TBC1D19: variants seen among roughly 807,000 people sequenced by gnomAD.
The protein encoded by TBC1D19 is TBC1 domain family member 19, also known as TBC1 domain family, member 19.
Under a neutral mutation model 89.0 loss-of-function variants are expected in TBC1D19, and 60 were observed. The observed-to-expected ratio is 0.67, with a 90% confidence interval of 0.55 to 0.84. The LOEUF (loss-of-function observed/expected upper bound fraction) is 0.84, where lower values mean the gene tolerates loss of function less well. Ranked by LOEUF, TBC1D19 falls within the 40% of genes least tolerant of loss-of-function variation. TBC1D19 has a pLI of 0.00. For synonymous variants in TBC1D19, 189 were observed against 199.7 expected, an observed-to-expected ratio of 0.95 and a Z score of 0.45; for missense variants, 500 against 610.8, an observed-to-expected ratio of 0.82 and a Z score of 1.91.
chr4:26,720,193 G>T, intron 15 of TBC1D19, 68 bp downstream of exon 15: 1 of 1,225,516 alleles, frequency 8.2e-7, no homozygotes, highest in South Asian at 1.4e-5. Flanking sequence ...ATCAAAATGT[G>T]ACTTTCTTAT....
At chr4:26,751,411 C>T (rs1396757200) in intron 19 of TBC1D19, among the ~76,000 whole-genome samples, 1 of 152,212 alleles carries the variant, frequency 6.6e-6, no homozygotes, top group Non-Finnish European at 1.5e-5. Context: ...TACTCTTTAA[C>T]TGCTAAAATG....
chr4:26,663,371 G>A (rs1253151625), intron 8 of TBC1D19, among the ~76,000 whole-genome samples: 1 of 152,142 alleles, frequency 6.6e-6, no homozygotes, highest in East Asian at 1.9e-4. Flanking sequence ...GAATGTGCAT[G>A]AGCTAAAATC....
chr4:26,640,017 A>C (rs1446649665), intron 6 of TBC1D19, 124 bp from the exon 7 acceptor site: 1 of 665,574 alleles, frequency 1.5e-6, no homozygotes, highest in Non-Finnish European at 2.5e-6. Context: ...CAGTGTATGC[A>C]TTCTCAAGAA....
At chr4:26,758,397 C>A (rs1578026321), downstream of TBC1D19, among the ~76,000 whole-genome samples, 1 of 152,126 alleles carries the variant, frequency 6.6e-6, no homozygotes, top group East Asian at 1.9e-4. Context: ...CCTTCTTCCA[C>A]AAATGCTCTG....
intron 3 of TBC1D19, among the ~76,000 whole-genome samples, chr4:26,619,890 T>C (rs530942688): frequency 2.0e-5 from 3 of 152,316 alleles, no homozygotes; most frequent in African/African-American, 7.2e-5. Context: ...GGACCAGGAA[T>C]TTATTGAGAA....
chr4:26,599,105 G>A (rs1577774798), intron 1 of TBC1D19, among the ~76,000 whole-genome samples: 1 of 151,954 alleles, frequency 6.6e-6, no homozygotes, highest in African/African-American at 2.4e-5. Context: ...TTATTAGACA[G>A]ATCTATAATA....
chr4:26,745,825 A>G (rs1193061592), intron 18 of TBC1D19, among the ~76,000 whole-genome samples: 1 of 151,858 alleles, frequency 6.6e-6, no homozygotes, highest in Non-Finnish European at 1.5e-5. Context: ...ATACTTCTTT[A>G]ATTAATCACA....
chr4:26,688,397 A>T lies in TBC1D19; in HGVS notation c.944A>T (p.Tyr315Phe). The T allele has an allele frequency of 6.4e-7, 1 of 1,563,258 alleles. No individual in the cohort carries two copies. Among genetic ancestry groups the T allele is most frequent in the African/African-American group, 1.4e-5 (1 of 73,704 alleles). Residue 315 changes from tyrosine to phenylalanine, a missense_variant, in exon 13 of 21, where the codon TAT (tyrosine) becomes TTT (phenylalanine). Tyr to Phe is a conservative substitution (Grantham distance 22). This residue lies in a region of TBC1D19 where 220 missense variants were observed against 319.1 expected (regional missense o/e 0.69). Coordinates refer to ENST00000264866, the MANE Select transcript of TBC1D19 (RefSeq NM_018317.4). ...GATTATTATTTTGTATTTGAAGATT[A>T]TTTATATCAGGTAAGTTTAAAAATA... ...NDDYYFVFEDYLYQVLLCFSR... is the reference protein window; with the variant it reads ...NDDYYFVFEDFLYQVLLCFSR...
intron 15 of TBC1D19, among the ~76,000 whole-genome samples, chr4:26,730,301 A>G (rs995585556): frequency 3.3e-5 from 5 of 152,230 alleles, no homozygotes; most frequent in African/African-American, 1.2e-4. Context: ...GATTTATTCT[A>G]CTGGGAGAGA....
chr4:26,734,934 G>GTGTATATATGTATACACGTATGTATA (rs1560503655), intron 15 of TBC1D19, among the ~76,000 whole-genome samples: 63 of 118,102 alleles, frequency 5.3e-4, no homozygotes, highest in East Asian at 1.3e-3. Flanking sequence ...ACATATATGT[G>GTGTATATATGTATACACGTATGTATA]TGTATATATG....
intron 17 of TBC1D19, 96 bp downstream of exon 17, chr4:26,740,069 A>T: frequency 1.5e-6 from 1 of 687,412 alleles, no homozygotes; most frequent in Non-Finnish European, 2.2e-6. Flanking sequence ...TTCTAACGCA[A>T]CAAATTTTAA....
chr4:26,625,533 T>G (rs887317819), intron 4 of TBC1D19, among the ~76,000 whole-genome samples: 32 of 152,166 alleles, frequency 2.1e-4, no homozygotes, highest in African/African-American at 7.5e-4. Context: ...GTCCGTAGTT[T>G]ATTCACACTT....
At chr4:26,856,488 T>C in the TBC1D19 span, among the ~76,000 whole-genome samples, 530 of 152,322 alleles carry the variant, frequency 3.5e-3, 3 homozygotes, top group African/African-American at 0.012. Context: ...TTTGGATATA[T>C]ACTCAGAAGT....
At chr4:26,778,306 C>T in the TBC1D19 span, among the ~76,000 whole-genome samples, 60 of 152,100 alleles carry the variant, frequency 3.9e-4, no homozygotes, top group African/African-American at 1.4e-3. Flanking sequence ...GTCCCAGCTA[C>T]TCGGGAGGCT....
Position 26,727,124 on chromosome 4 carries a change from C to T in TBC1D19, c.1084+6999C>T, listed in dbSNP as rs142412548. 7.7e-3 allele frequency among the ~76,000 whole-genome samples: 1,179 copies of T among 152,204 alleles called. 10 individuals carry two copies. The highest frequency in any genetic ancestry group is 0.027 in the African/African-American group (1,112 of 41,522). On this transcript the variant is annotated intron_variant, in intron 15 of 20. Coordinates refer to ENST00000264866, the MANE Select transcript of TBC1D19 (RefSeq NM_018317.4). Reference sequence around the variant, plus strand: ...ATGAGATGTGCCCCAAGCATCCTGACGCCTGCTGGAAACATGCTCTTGGGT... The same window carrying T: ...ATGAGATGTGCCCCAAGCATCCTGATGCCTGCTGGAAACATGCTCTTGGGT...
the TBC1D19 span, among the ~76,000 whole-genome samples, chr4:26,767,433 AGAAGTCATATGTT>A: frequency 6.6e-6 from 1 of 152,180 alleles, no homozygotes; most frequent in Non-Finnish European, 1.5e-5. Context: ...CCCCACTCCC[AGAAGTCATATGTT>A]GAAGCCCTAA....
chr4:26,594,163 A>G (rs1037167957), intron 1 of TBC1D19, among the ~76,000 whole-genome samples: 1 of 152,230 alleles, frequency 6.6e-6, no homozygotes, highest in Non-Finnish European at 1.5e-5. Context: ...TGCAGCCATA[A>G]AAAATGATGA....
chr4:26,704,527 G>A (rs1427389557), intron 13 of TBC1D19, among the ~76,000 whole-genome samples: 3 of 152,116 alleles, frequency 2.0e-5, no homozygotes, highest in Non-Finnish European at 2.9e-5. Flanking sequence ...AGTTAAAAAG[G>A]TCCAAATGTG....
chr4:26,644,833 G>C (rs140320524), intron 7 of TBC1D19, among the ~76,000 whole-genome samples: 14 of 152,298 alleles, frequency 9.2e-5, no homozygotes, highest in African/African-American at 2.9e-4. Context: ...TTGCTACAAA[G>C]AGAATAAAAT....
Sources: gnomAD v4.1 joint callset for allele counts (sites outside exome capture counted in the v4.1 genomes callset) on GRCh38, gnomAD v4.1.1 for gene constraint, gnomAD v4.1.1 regional missense constraint, MANE v1.5 for transcripts, NCBI Gene and HGNC (gene_info 2026-07-23, HGNC 2026-07-21) for gene names.